Variants in FIG4 observed in about 807,000 individuals in gnomAD.
FIG4 encodes the protein polyphosphoinositide phosphatase.
In FIG4, 112 loss-of-function variants were observed where a neutral mutation model predicts 118.6. That is an observed-to-expected ratio of 0.94 (90% CI 0.81 to 1.11). The LOEUF (loss-of-function observed/expected upper bound fraction) is 1.11, where lower values mean the gene tolerates loss of function less well. Among genes scored for constraint, FIG4 ranks in the 50% least tolerant of loss-of-function variants. The pLI is 0.00. For synonymous variants in FIG4, 369 were observed against 381.2 expected (o/e 0.97, Z 0.37); for missense variants, 969 against 1,111.7 (o/e 0.87, Z 1.83).
chr6:109,700,074 C>T (rs138254859), intron 1 of FIG4, among the ~76,000 whole-genome samples: 329 of 152,282 alleles, frequency 2.2e-3, no homozygotes, highest in Middle Eastern at 0.01. Context: ...AAAAGTCCCA[C>T]TTCTGAATAC....
At position 109,735,199 on chromosome 6, in the gene FIG4, C is replaced by T. The variant is rs121908288; in HGVS notation, c.547C>T (p.Arg183Ter). Residue 183 changes from arginine to a stop codon, truncating the protein, a stop_gained, in exon 6 of 23, where the codon CGA (arginine) becomes TGA (stop). Transcript: ENST00000230124. LOFTEE classifies it high-confidence loss of function. ...ACTTCAATATAATCTCACTGTCTTGCGAATGCCCCTGGAGATGTTAAAGTC... is the reference window on the plus strand; with the variant it reads ...ACTTCAATATAATCTCACTGTCTTGTGAATGCCCCTGGAGATGTTAAAGTC... ...HSLQYNLTVL[R>*]MPLEMLKSEM... The T allele has an allele frequency of 2.6e-5, 42 of 1,612,104 alleles. No individual in the cohort carries two copies. The highest frequency in any genetic ancestry group is 3.3e-5 in the Non-Finnish European group (39 of 1,178,482).
At chr6:109,706,691 T>C (rs373528855) in intron 1 of FIG4, among the ~76,000 whole-genome samples, 1 of 152,238 alleles carries the variant, frequency 6.6e-6, no homozygotes, top group Non-Finnish European at 1.5e-5. Flanking sequence ...TTTTTTGTGC[T>C]GACTGCTGTG....
chr6:109,751,663 A>C (rs924275077), intron 10 of FIG4, among the ~76,000 whole-genome samples: 1 of 151,942 alleles, frequency 6.6e-6, no homozygotes, highest in Non-Finnish European at 1.5e-5. Context: ...GTGTGCAGGA[A>C]TTTATCTATT....
chr6:109,825,176 C>T lies in FIG4; in HGVS notation c.2635C>T (p.His879Tyr). 1 of 1,614,066 alleles carries T rather than the reference C, an allele frequency of 6.2e-7. No homozygotes were observed. Among genetic ancestry groups the T allele is most frequent in the Non-Finnish European group, 8.5e-7 (1 of 1,179,940 alleles). ...AAAATCTACAGAGATCTTCCAAGCC[C>T]ACATCCAGGCCAGCCAAGGTATCAT... ...DRKSTEIFQAHIQASQGIMQP... is the reference protein window; with the variant it reads ...DRKSTEIFQAYIQASQGIMQP... The change falls in exon 23 of 23, where the codon CAC (histidine) becomes TAC (tyrosine). Residue 879 changes from histidine (H) to tyrosine (Y), a missense_variant. By Grantham distance (83) the His-to-Tyr change is moderately conservative. Around this residue, in one of 3 missense-constraint regions of FIG4, gnomAD observed 330 missense variants for 348.1 expected, o/e 0.95. Coordinates refer to ENST00000230124, the MANE Select transcript of FIG4 (RefSeq NM_014845.6).
intron 21 of FIG4, among the ~76,000 whole-genome samples, chr6:109,795,120 T>G (rs1385687919): frequency 5.0e-5 from 6 of 119,636 alleles, no homozygotes; most frequent in Non-Finnish European, 9.0e-5. Context: ...TTTTTTTTTT[T>G]TTTTTTTTTT....
Position 109,791,368 on chromosome 6 carries a change from T to A in FIG4, c.2181-8T>A. On this transcript the variant is annotated splice_region_variant and splice_polypyrimidine_tract_variant and intron_variant, in intron 19 of 22. Coordinates refer to ENST00000230124, the MANE Select transcript of FIG4 (RefSeq NM_014845.6). ...AGATGCTTCACTTCCATATTATTCT[T>A]TTAAAAGAAACAAAAGCAATAGAGA... 6.2e-7 allele frequency: 1 copy of A among 1,611,142 alleles called. No homozygotes were observed. The highest frequency in any genetic ancestry group is 8.5e-7 in the Non-Finnish European group (1 of 1,179,314).
intron 10 of FIG4, among the ~76,000 whole-genome samples, chr6:109,752,912 C>A (rs922926879): frequency 6.6e-6 from 1 of 152,120 alleles, no homozygotes; most frequent in African/African-American, 2.4e-5. Context: ...GAAGTCCTTG[C>A]CCATGCCTAT....
rs144165070 is a variant in FIG4, at chr6:109,774,150, A to G, written c.1751-2772A>G. Reference sequence around the variant, plus strand: ...ACTAAAGTATATATGTTAATTATACAAAGTACAGAATGGCTCACAAATAAA... The same window carrying G: ...ACTAAAGTATATATGTTAATTATACGAAGTACAGAATGGCTCACAAATAAA... On this transcript the variant is annotated intron_variant, in intron 15 of 22. Coordinates refer to ENST00000230124, the MANE Select transcript of FIG4 (RefSeq NM_014845.6). Among the ~76,000 whole-genome samples, 23 of 152,314 alleles carry G rather than the reference A, an allele frequency of 1.5e-4. No homozygotes were observed. In the East Asian group the frequency reaches 1.5e-3, roughly 10 times the overall value.
intron 20 of FIG4, 23 bp downstream of exon 20, chr6:109,791,594 G>T (rs1460694709): frequency 6.2e-7 from 1 of 1,609,452 alleles, no homozygotes; most frequent in Non-Finnish European, 8.5e-7. Flanking sequence ...GAAGCCTGTG[G>T]CATCCAGCCT....
chr6:109,700,043 C>T (rs1165243981), intron 1 of FIG4, among the ~76,000 whole-genome samples: 1 of 152,198 alleles, frequency 6.6e-6, no homozygotes, highest in Non-Finnish European at 1.5e-5. Flanking sequence ...GGGCTCTGCT[C>T]TCAGGACTGA....
intron 22 of FIG4, among the ~76,000 whole-genome samples, chr6:109,801,810 A>G (rs962350833): frequency 6.6e-6 from 1 of 152,180 alleles, no homozygotes; most frequent in Non-Finnish European, 1.5e-5. Context: ...TTAATTTTCA[A>G]TAACACATTC....
At chr6:109,708,352 T>C (rs1775152706) in intron 1 of FIG4, among the ~76,000 whole-genome samples, 1 of 152,268 alleles carries the variant, frequency 6.6e-6, no homozygotes, top group Admixed American at 6.5e-5. Flanking sequence ...CCACATTTTC[T>C]TTATCCAGTC....
chr6:109,793,362 G>A (rs776150458), intron 21 of FIG4, among the ~76,000 whole-genome samples: 28 of 152,214 alleles, frequency 1.8e-4, no homozygotes, highest in Non-Finnish European at 2.8e-4. Flanking sequence ...TAATAATAGG[G>A]TGCTAATTCA....
At position 109,691,578 on chromosome 6, in the gene FIG4, C is replaced by T. The variant is rs543861827; in HGVS notation, c.66+77C>T. On this transcript the variant is annotated intron_variant, in intron 1 of 22. Coordinates refer to ENST00000230124, the MANE Select transcript of FIG4 (RefSeq NM_014845.6). Reference sequence around the variant, plus strand: ...TGGGTGTGGGGCCGTAGGACAGAGGCTGTACTCTGCCTCCTCCTCCTTCCT... The same window carrying T: ...TGGGTGTGGGGCCGTAGGACAGAGGTTGTACTCTGCCTCCTCCTCCTTCCT... The T allele has an allele frequency of 2.3e-5, 29 of 1,247,176 alleles. No homozygotes were observed. In the African/African-American group the frequency reaches 4.0e-4, roughly 17 times the overall value. 77.3% of individuals were successfully genotyped at this position (1,247,176 alleles called of 1,614,324 possible).
intron 19 of FIG4, 145 bp from the exon 20 acceptor site, chr6:109,791,231 C>G: frequency 7.0e-6 from 5 of 716,398 alleles, no homozygotes; most frequent in Non-Finnish European, 1.2e-5. Flanking sequence ...AACCTTTTCC[C>G]TGTAGCACAA....
Position 109,743,218 on chromosome 6 carries a change from C to T in FIG4, c.985C>T (p.Pro329Ser). ...SSYVQVRGSVPLYWSQDISTM... is the reference protein window; with the variant it reads ...SSYVQVRGSVSLYWSQDISTM... ...ATATGTACAAGTTAGAGGATCTGTG[C>T]CCTTATACTGGTCTCAGGACATTTC... is the stretch of plus-strand genomic sequence containing the variant. The change falls in exon 9 of 23, where the codon CCC becomes TCC. Residue 329 changes from proline (P) to serine (S), a missense_variant. Transcript: ENST00000230124. 1 of 1,612,684 alleles carries T rather than the reference C, an allele frequency of 6.2e-7. No individual in the cohort carries two copies. The highest frequency in any genetic ancestry group is 8.5e-7 in the Non-Finnish European group (1 of 1,179,014).
chr6:109,725,930 A>G (rs887742657), intron 3 of FIG4, among the ~76,000 whole-genome samples: 1 of 151,932 alleles, frequency 6.6e-6, no homozygotes, highest in Non-Finnish European at 1.5e-5. Flanking sequence ...TCCTTTGCCC[A>G]CTTTTTGATG....
chr6:109,758,215 A>C (rs922132528), intron 10 of FIG4, among the ~76,000 whole-genome samples: 1 of 152,248 alleles, frequency 6.6e-6, no homozygotes, highest in Non-Finnish European at 1.5e-5. Flanking sequence ...CTATACTACA[A>C]GGCTACAGTA....
rs1484003965 is a variant in FIG4 at position 109,727,356 on chromosome 6, A to T, written c.446+91A>T. 1.8e-5 allele frequency: 19 copies of T among 1,065,822 alleles called. No individual in the cohort carries two copies. The East Asian group carries it at 4.5e-4, about 25-fold the overall frequency. 66.0% of individuals were successfully genotyped at this position (1,065,822 alleles called of 1,614,324 possible). On this transcript the variant is annotated intron_variant, in intron 4 of 22. Coordinates refer to ENST00000230124, the MANE Select transcript of FIG4 (RefSeq NM_014845.6). ...AAGGCTGGAATATAATGGCATGGTC[A>T]TAGCTTGCTGTAGCCTTGGCCTCCC...
Sources: gnomAD v4.1 joint callset for allele counts (sites outside exome capture counted in the v4.1 genomes callset) on GRCh38, gnomAD v4.1.1 for gene constraint, gnomAD v4.1.1 regional missense constraint, MANE v1.5 for transcripts, NCBI Gene and HGNC (gene_info 2026-07-23, HGNC 2026-07-21) for gene names.